Variants in PPFIBP2 observed in about 807,000 individuals in gnomAD.
PPFIBP2 encodes the protein PPFIB scaffold protein 2.
A neutral mutation model predicts 118.3 loss-of-function variants in PPFIBP2; 118 were observed. The observed-to-expected ratio is 1.00, with a 90% CI of 0.86 to 1.16. The LOEUF is 1.16. Ranked by LOEUF, PPFIBP2 falls within the 50% of genes most tolerant of loss-of-function variation. PPFIBP2 has a pLI of 0.00. For synonymous variants in PPFIBP2, 414 were observed against 397.4 expected, an observed-to-expected ratio of 1.04 and a Z score of -0.50; for missense variants, 1,195 against 1,073.1, an observed-to-expected ratio of 1.11 and a Z score of -1.59.
rs755263365 is a variant in PPFIBP2 at position 7,549,438 on chromosome 11, A to C, written c.-36-2A>C. On this transcript the variant is annotated splice_acceptor_variant, in intron 1 of 23. Coordinates refer to ENST00000299492, the MANE Select transcript of PPFIBP2 (RefSeq NM_003621.5). LOFTEE classifies it low-confidence loss of function (5UTR_SPLICE). ...TCCTTTGTTCTGTATTTGAATTTTC[A>C]GTAAGAAGAGGAGGAGGCCAGGCAG... 6.4e-7 allele frequency: 1 copy of C among 1,552,292 alleles called. No individual in the cohort carries two copies. Among genetic ancestry groups the C allele is most frequent in the Non-Finnish European group, 8.7e-7 (1 of 1,147,330 alleles).
chr11:7,630,633 CA>C (rs1206959672), intron 10 of PPFIBP2, among the ~76,000 whole-genome samples: 1 of 152,178 alleles, frequency 6.6e-6, no homozygotes, highest in Non-Finnish European at 1.5e-5. Context: ...TTTTTAAGAT[CA>C]TGGGTCAAGT....
chr11:7,593,554 G>A (rs1859742045), intron 4 of PPFIBP2, among the ~76,000 whole-genome samples: 1 of 152,164 alleles, frequency 6.6e-6, no homozygotes, highest in Admixed American at 6.5e-5. Context: ...AGAAGCTCCT[G>A]AGTCTTGCGA....
intron 8 of PPFIBP2, 92 bp from the exon 9 acceptor site, chr11:7,628,193 A>T: frequency 9.5e-7 from 1 of 1,053,828 alleles, no homozygotes; most frequent in Non-Finnish European, 1.4e-6. Flanking sequence ...TCACATGGCA[A>T]GTCTTCATTT....
chr11:7,666,588 C>A, the PPFIBP2 span: 1 of 1,475,904 alleles, frequency 6.8e-7, no homozygotes, highest in Non-Finnish European at 9.5e-7. Context: ...CCCTCCAGGG[C>A]CATCCTCTTG....
rs752653832 is a variant in PPFIBP2, at chr11:7,648,399, C to T, written c.1659C>T (p.Ala553=). The T allele has an allele frequency of 6.2e-7, 1 of 1,612,334 alleles. No homozygotes were observed. The highest frequency in any genetic ancestry group is 1.1e-5 in the South Asian group (1 of 90,964). The change falls in exon 18 of 24, where the codon GCC becomes GCT. Residue 553 remains alanine, a synonymous_variant. Transcript: ENST00000299492. The stretch of plus-strand genomic sequence containing the variant: ...TCCTGCTTCCCAGTGACGCCAATGC[C>T]CCCTTTGCCCAGTGGAGCACAGAGC... ...DSKGQKSDAN[A]PFAQWSTERV... is the part of the protein sequence containing the mutation.
intron 1 of PPFIBP2, among the ~76,000 whole-genome samples, chr11:7,544,194 G>T (rs1212360888): frequency 6.6e-6 from 1 of 152,150 alleles, no homozygotes; most frequent in Non-Finnish European, 1.5e-5. Context: ...TATCTTTATG[G>T]CCAGGGATGA....
intron 1 of PPFIBP2, among the ~76,000 whole-genome samples, chr11:7,547,765 G>C (rs565851297): frequency 6.6e-6 from 1 of 152,096 alleles, no homozygotes; most frequent in Non-Finnish European, 1.5e-5. Context: ...TTCCCTCTAA[G>C]CTAACTGTGC....
intron 2 of PPFIBP2, among the ~76,000 whole-genome samples, chr11:7,557,751 G>C (rs997452891): frequency 2.0e-5 from 3 of 152,154 alleles, no homozygotes; most frequent in African/African-American, 7.2e-5. Context: ...TTCTAGAGCA[G>C]TTGTAGAGCA....
At position 7,616,195 on chromosome 11, in the gene PPFIBP2, G is replaced by T. The variant is rs533010622; in HGVS notation, c.619-4740G>T. Among the ~76,000 whole-genome samples the T allele has an allele frequency of 6.6e-6, 1 of 152,136 alleles. No homozygotes were observed. Among genetic ancestry groups the T allele is most frequent in the East Asian group, 1.9e-4 (1 of 5,182 alleles). On this transcript the variant is annotated intron_variant, in intron 6 of 23. Transcript: ENST00000299492. This position sits in a 1 kb window ranked among gnomAD's most constrained non-coding sequence, Gnocchi z 5.2. Reference sequence around the variant, plus strand: ...AGTTATGTTCTTAAAAAGAAAAAATGGACTTGATTCCATGGATGCCTCTGA... The same window carrying T: ...AGTTATGTTCTTAAAAAGAAAAAATTGACTTGATTCCATGGATGCCTCTGA...
chr11:7,538,074 A>G (rs1387469681), intron 1 of PPFIBP2, among the ~76,000 whole-genome samples: 1 of 152,154 alleles, frequency 6.6e-6, no homozygotes, highest in Non-Finnish European at 1.5e-5. Flanking sequence ...CATCAAGCAA[A>G]TACGGTGAAG....
intron 2 of PPFIBP2, among the ~76,000 whole-genome samples, chr11:7,549,913 C>A (rs1013454414): frequency 6.6e-6 from 1 of 152,186 alleles, no homozygotes; most frequent in Non-Finnish European, 1.5e-5. Flanking sequence ...GACTTTGCCA[C>A]CTAATGCAGG....
intron 1 of PPFIBP2, among the ~76,000 whole-genome samples, chr11:7,527,680 G>A (rs1487677858): frequency 6.6e-6 from 1 of 152,116 alleles, no homozygotes; most frequent in Non-Finnish European, 1.5e-5. Context: ...CTGAGGAGGT[G>A]GCATTTGAGG....
Position 7,621,502 on chromosome 11 carries a change from GT to G in PPFIBP2, c.711+478del, listed in dbSNP as rs144241036. Among the ~76,000 whole-genome samples the G allele has an allele frequency of 3.6e-3, 551 of 152,256 alleles. 4 individuals are homozygous for G. Among genetic ancestry groups the G allele is most frequent in the African/African-American group, 0.013 (534 of 41,536 alleles). ...CGAATTATTTCTTCAATCAAATCAT[GT>G]TTCTCTTAAACTAGGGAGCCTGCAA... On this transcript the variant is annotated intron_variant, in intron 7 of 23. Transcript: ENST00000299492.
intron 6 of PPFIBP2, among the ~76,000 whole-genome samples, chr11:7,620,098 C>T (rs1409918266): frequency 1.3e-5 from 2 of 152,114 alleles, no homozygotes; most frequent in Non-Finnish European, 2.9e-5. Context: ...AATATATGGG[C>T]TTGAATTCCA....
chr11:7,651,541 C>T (rs1854002802), intron 22 of PPFIBP2, 115 bp from the exon 23 acceptor site: 2 of 884,858 alleles, frequency 2.3e-6, no homozygotes, highest in South Asian at 3.5e-5. Flanking sequence ...AGTGACTGAG[C>T]TCCTGTCCCT....
the PPFIBP2 span, chr11:7,665,249 C>T: frequency 1.1e-5 from 9 of 813,586 alleles, no homozygotes. Flanking sequence ...AAGAGGAGAA[C>T]CAGTGTGTGC....
chr11:7,648,753 A>C lies in PPFIBP2; in HGVS notation c.1798-47A>C, dbSNP rs999332506. On this transcript the variant is annotated intron_variant, in intron 18 of 23. Coordinates refer to ENST00000299492, the MANE Select transcript of PPFIBP2 (RefSeq NM_003621.5). ...CAGACACAGCTTTCTCTGAGGGCCA[A>C]ATTGCCTGCCAAAATTTCACATGTG... 2.5e-6 allele frequency: 4 copies of C among 1,581,548 alleles called. No homozygotes were observed. The African/African-American group carries it at 5.4e-5, about 21-fold the overall frequency.
intron 1 of PPFIBP2, among the ~76,000 whole-genome samples, chr11:7,526,394 C>T (rs1362190086): frequency 6.6e-6 from 1 of 152,140 alleles, no homozygotes; most frequent in African/African-American, 2.4e-5. Context: ...AGACTCTTCC[C>T]ATTATTAAAA....
intron 6 of PPFIBP2, among the ~76,000 whole-genome samples, chr11:7,614,729 G>GA (rs1848440802): frequency 1.3e-5 from 2 of 152,070 alleles, no homozygotes; most frequent in South Asian, 2.1e-4. Context: ...AACTGAGCCT[G>GA]AAAAAAGAAA....
Sources: gnomAD v4.1 joint callset for allele counts (sites outside exome capture counted in the v4.1 genomes callset) on GRCh38, gnomAD v4.1.1 for gene constraint, Gnocchi (gnomAD v3.1) non-coding constraint, MANE v1.5 for transcripts, NCBI Gene and HGNC (gene_info 2026-07-23, HGNC 2026-07-21) for gene names.